The following ZNF335 variants were observed in gnomAD, a reference collection of about 807,000 sequenced individuals.
ZNF335 encodes zinc finger protein 335.
A neutral mutation model predicts 145.6 loss-of-function variants in ZNF335; 84 were observed. The ratio of observed to expected loss-of-function variants is 0.58; its 90% confidence interval spans 0.48 to 0.69. ZNF335 has a LOEUF of 0.69. ZNF335 is among the 30% of genes least tolerant of loss of function. The probability of loss-of-function intolerance (pLI) is 0.00; values close to 1 mark genes in which losing one functional copy is unlikely to be tolerated. For missense variants in ZNF335, 1,865 were observed against 1,809.7 expected (o/e 1.03, Z -0.55); for synonymous variants, 761 against 717.0 (o/e 1.06, Z -0.98).
At chr20:45,954,251 G>A (rs963363926) in intron 17 of ZNF335, among the ~76,000 whole-genome samples, 5 of 152,108 alleles carry the variant, frequency 3.3e-5, no homozygotes, top group African/African-American at 7.2e-5. Context: ...GCATATAGTC[G>A]GGAGAGGCCA....
chr20:45,971,345 G>A lies in ZNF335; in HGVS notation c.66C>T (p.Pro22=). The A allele has an allele frequency of 6.3e-7, 1 of 1,599,758 alleles. No individual in the cohort carries two copies. The highest frequency in any genetic ancestry group is 8.5e-7 in the Non-Finnish European group (1 of 1,179,428). ...TGCCCACACCCAGGCCGCTCTCAGAGGGCTCCTCGGGCCGGCCAGGCCCAG... is the reference window on the plus strand; with the variant it reads ...TGCCCACACCCAGGCCGCTCTCAGAAGGCTCCTCGGGCCGGCCAGGCCCAG... ...AAPGPGRPEE[P]SESGLGVGTS... is the part of the protein sequence containing the mutation. The change falls in exon 2 of 28, where the codon CCC becomes CCT. Residue 22 remains proline (P), a synonymous_variant. Coordinates refer to ENST00000322927, the MANE Select transcript of ZNF335 (RefSeq NM_022095.4).
chr20:45,949,777 A>C (rs2083594105), intron 24 of ZNF335, 23 bp downstream of exon 24: 1 of 1,613,674 alleles, frequency 6.2e-7, no homozygotes, highest in South Asian at 1.1e-5. Context: ...AGCTGAGGGG[A>C]TTAACAGTAG....
At chr20:45,955,984 A>T (rs183027408) in intron 17 of ZNF335, among the ~76,000 whole-genome samples, 1 of 152,314 alleles carries the variant, frequency 6.6e-6, no homozygotes, top group Admixed American at 6.5e-5. Flanking sequence ...TCTTAGGAGA[A>T]TAAGGGTAAC....
chr20:45,954,414 G>A (rs947299386), intron 17 of ZNF335, among the ~76,000 whole-genome samples: 4 of 152,144 alleles, frequency 2.6e-5, no homozygotes, highest in Non-Finnish European at 4.4e-5. Flanking sequence ...ATTCCAGTTG[G>A]CTTCAAATGG....
chr20:45,972,098 C>T (rs751596715), intron 1 of ZNF335, 24 bp downstream of exon 1: 2 of 1,288,892 alleles, frequency 1.6e-6, no homozygotes, highest in South Asian at 2.5e-5. Flanking sequence ...ACGGTGGGGC[C>T]GCCTAACTCT....
rs1240404135 is a variant in ZNF335, at chr20:45,949,388, C to T, written c.3764G>A (p.Gly1255Asp). The T allele has an allele frequency of 6.2e-7, 1 of 1,614,100 alleles. No homozygotes were observed. The highest frequency in any genetic ancestry group is 1.1e-5 in the South Asian group (1 of 91,082). The stretch of plus-strand genomic sequence containing the variant: ...TTCATACTGGATGTGTGTGATCTGG[C>T]CCTCCTGTACCTGCAGAGAGGAAGC... ...PEGHHIQVQE[G>D]QITHIQYEQG... The change falls in exon 26 of 28, where the codon GGC becomes GAC. Residue 1255 changes from glycine to aspartate, a missense_variant. By Grantham distance (94) the Gly-to-Asp change is moderately conservative. Coordinates refer to ENST00000322927, the MANE Select transcript of ZNF335 (RefSeq NM_022095.4).
Position 45,967,749 on chromosome 20 carries a change from G to A in ZNF335, c.799C>T (p.Arg267Cys). The A allele has an allele frequency of 1.2e-6, 2 of 1,611,192 alleles. No individual in the cohort carries two copies. The highest frequency in any genetic ancestry group is 1.7e-6 in the Non-Finnish European group (2 of 1,178,484). ...KATLLRHMRERHFRPVAAAAA... is the reference protein window; with the variant it reads ...KATLLRHMRECHFRPVAAAAA... ...ACTGACGCACCTGGACGGAAGTGGC[G>A]TTCCCGCATGTGGCGCAGCAGTGTG... Residue 267 changes from arginine (R) to cysteine (C), a missense_variant, in exon 5 of 28, where the codon CGC becomes TGC. Arg to Cys is a radical substitution (Grantham distance 180). Transcript: ENST00000322927.
intron 15 of ZNF335, among the ~76,000 whole-genome samples, chr20:45,958,526 C>T (rs756954749): frequency 7.9e-5 from 12 of 152,182 alleles, no homozygotes; most frequent in Non-Finnish European, 1.5e-4. Context: ...TCCATCTTTC[C>T]AGGGATAGTG....
At chr20:45,963,220 T>C (rs2083883112) in intron 9 of ZNF335, among the ~76,000 whole-genome samples, 1 of 152,186 alleles carries the variant, frequency 6.6e-6, no homozygotes, top group Non-Finnish European at 1.5e-5. Context: ...GGTGAAGATA[T>C]GCTGCCACTG....
At chr20:45,965,807 G>A in intron 6 of ZNF335, 33 bp from the exon 7 acceptor site, 1 of 1,582,490 alleles carries the variant, frequency 6.3e-7, no homozygotes, top group Non-Finnish European at 8.6e-7. Flanking sequence ...TGAACAGTGA[G>A]TGGCGGGACC....
At position 45,969,607 on chromosome 20, in the gene ZNF335, C is replaced by G; in HGVS notation, c.286G>C (p.Val96Leu). The change falls in exon 3 of 28, where the codon GTG becomes CTG. Residue 96 changes from valine to leucine, a missense_variant. Transcript: ENST00000322927. ...PDSSSVSHGP[V>L]AGVTGGPPAL... The stretch of plus-strand genomic sequence containing the variant: ...GGGGGACCGCCTGTCACCCCTGCCA[C>G]TGGCCCATGAGACACAGACGATGAA... 7 of 1,609,086 alleles carry G rather than the reference C, an allele frequency of 4.4e-6. No individual in the cohort carries two copies. The highest frequency in any genetic ancestry group is 2.7e-5 in the African/African-American group (2 of 75,006).
chr20:45,962,346 C>T (rs1194708792), intron 9 of ZNF335, among the ~76,000 whole-genome samples, 164 bp from the exon 10 acceptor site: 2 of 152,236 alleles, frequency 1.3e-5, no homozygotes, highest in African/African-American at 2.4e-5. Context: ...CCTAGGAAGG[C>T]CCGGGGACTG....
chr20:45,949,643 G>A, intron 24 of ZNF335, 75 bp from the exon 25 acceptor site: 1 of 1,495,192 alleles, frequency 6.7e-7, no homozygotes, highest in South Asian at 1.2e-5. Context: ...TAAGAAGGCA[G>A]AGTGGAAGAC....
At chr20:45,969,773 C>T (rs1016807902) in intron 2 of ZNF335, 82 bp from the exon 3 acceptor site, 47 of 1,547,324 alleles carry the variant, frequency 3.0e-5, no homozygotes, top group Non-Finnish European at 3.8e-5. Context: ...ACTTGCTAGA[C>T]AGAGCTCTCA....
chr20:45,957,818 C>A lies in ZNF335; in HGVS notation c.2347+17G>T. 6.2e-7 allele frequency: 1 copy of A among 1,612,718 alleles called. No individual in the cohort carries two copies. The highest frequency in any genetic ancestry group is 8.5e-7 in the Non-Finnish European group (1 of 1,178,892). ...GGTCCTACCCTCCATGAGCTCCTAT[C>A]CTCCTACAGAGCTCACCTTGCTGGT... is the stretch of plus-strand genomic sequence containing the variant. On this transcript the variant is annotated intron_variant, in intron 16 of 27. Transcript: ENST00000322927.
chr20:45,970,450 G>C (rs918456854), intron 2 of ZNF335, among the ~76,000 whole-genome samples: 5 of 152,220 alleles, frequency 3.3e-5, no homozygotes, highest in African/African-American at 1.2e-4. Flanking sequence ...TATTAGCTTT[G>C]CATATGTTAA....
In ZNF335 at chr20:45,960,664, C is replaced by A. The variant is rs143622732; in HGVS notation, c.1734G>T (p.Thr578=). Residue 578 remains threonine, a synonymous_variant, in exon 12 of 28, where the codon ACG becomes ACT. Transcript: ENST00000322927. ...GRVYPMQKRL[T]QHMKTHSTEK... is the part of the protein sequence containing the mutation. ...CAGTGCTGTGCGTCTTCATGTGCTG[C>A]GTGAGTCTTTTCTGCATGGGGTACA... 6.2e-7 allele frequency: 1 copy of A among 1,613,968 alleles called. No homozygotes were observed. The highest frequency in any genetic ancestry group is 8.5e-7 in the Non-Finnish European group (1 of 1,180,020).
Position 45,960,927 on chromosome 20 carries a change from C to T in ZNF335, c.1647-45G>A, listed in dbSNP as rs1470140637. 4.3e-6 allele frequency: 7 copies of T among 1,610,326 alleles called. No individual in the cohort carries two copies. The East Asian group carries it at 1.6e-4, about 36-fold the overall frequency. Reference sequence around the variant, plus strand: ...GAATTAGACCAGAGCTTCCCCAAGCCCACTCTAGACCCTCTCACACTGAAC... The same window carrying T: ...GAATTAGACCAGAGCTTCCCCAAGCTCACTCTAGACCCTCTCACACTGAAC... On this transcript the variant is annotated intron_variant, in intron 10 of 27. Coordinates refer to ENST00000322927, the MANE Select transcript of ZNF335 (RefSeq NM_022095.4).
chr20:45,971,405 C>T lies in ZNF335; in HGVS notation c.6G>A (p.Glu2=). The part of the protein sequence containing the change: M[E]ENEVESSSDA... ...CGCTGCTGCTCTCCACCTCGTTCTC[C>T]TCCATCTGATCGGCGGGCTGCCTGA... is the stretch of plus-strand genomic sequence containing the variant. The change falls in exon 2 of 28, where the codon GAG becomes GAA. Residue 2 remains glutamate, a synonymous_variant. Coordinates refer to ENST00000322927, the MANE Select transcript of ZNF335 (RefSeq NM_022095.4). 1.2e-6 allele frequency: 2 copies of T among 1,600,374 alleles called. No individual in the cohort carries two copies. The highest frequency in any genetic ancestry group is 1.7e-6 in the Non-Finnish European group (2 of 1,179,748).
Sources: allele counts gnomAD v4.1 joint callset (sites outside exome capture counted in the v4.1 genomes callset), GRCh38; gene constraint gnomAD v4.1.1; transcripts MANE v1.5; gene names NCBI Gene and HGNC (gene_info 2026-07-23, HGNC 2026-07-21).